SUFU: variants seen among roughly 807,000 people sequenced by gnomAD.
The protein encoded by SUFU is SUFU negative regulator of hedgehog signaling.
A neutral mutation model predicts 58.9 loss-of-function variants in SUFU; 7 were observed. That is an observed-to-expected ratio of 0.12 (90% CI 0.07 to 0.22). SUFU has a LOEUF of 0.22. SUFU is among the 10% of genes least tolerant of loss of function. The pLI is 1.00. For missense variants in SUFU, 451 were observed against 641.3 expected, an observed-to-expected ratio of 0.70 and a Z score of 3.20; for synonymous variants, 232 against 254.8, an observed-to-expected ratio of 0.91 and a Z score of 0.85.
intron 2 of SUFU, among the ~76,000 whole-genome samples, chr10:102,523,673 C>A (rs2062575714): frequency 6.6e-6 from 1 of 152,194 alleles, no homozygotes; most frequent in Non-Finnish European, 1.5e-5. Flanking sequence ...GCCAAGCTGC[C>A]AATTTCTCAT....
intron 10 of SUFU, 76 bp from the exon 11 acceptor site, chr10:102,627,099 G>A: frequency 6.8e-7 from 1 of 1,478,050 alleles, no homozygotes; most frequent in Non-Finnish European, 9.4e-7. Context: ...TCAGAAGAGA[G>A]GTATAACGCT....
At chr10:102,538,915 G>C (rs1236997809) in intron 2 of SUFU, among the ~76,000 whole-genome samples, 1 of 152,246 alleles carries the variant, frequency 6.6e-6, no homozygotes, top group Non-Finnish European at 1.5e-5. Context: ...GGCATAGGCA[G>C]CCTGGCTTCA....
At chr10:102,579,554 C>T (rs2063251273) in intron 3 of SUFU, among the ~76,000 whole-genome samples, 1 of 152,188 alleles carries the variant, frequency 6.6e-6, no homozygotes, top group Non-Finnish European at 1.5e-5. Flanking sequence ...GCGGGCGGTT[C>T]TGGAGAAAAT....
intron 2 of SUFU, among the ~76,000 whole-genome samples, chr10:102,529,544 C>T (rs983571220): frequency 4.6e-5 from 7 of 152,168 alleles, no homozygotes; most frequent in South Asian, 2.1e-4. Context: ...GAGGCCTAGG[C>T]GGGTGGATCA....
chr10:102,560,122 A>G (rs2063020881), intron 3 of SUFU, among the ~76,000 whole-genome samples: 1 of 152,160 alleles, frequency 6.6e-6, no homozygotes, highest in African/African-American at 2.4e-5. Flanking sequence ...TCCCCTGTTT[A>G]CAAAAGAAAT....
Position 102,509,302 on chromosome 10 carries a change from G to T in SUFU, c.316G>T (p.Glu106Ter). 1 of 1,614,044 alleles carries T rather than the reference G, an allele frequency of 6.2e-7. No individual in the cohort carries two copies. Among genetic ancestry groups the T allele is most frequent in the Non-Finnish European group, 8.5e-7 (1 of 1,180,032 alleles). The change falls in exon 2 of 12, where the codon GAG (glutamate) becomes TAG (stop). Residue 106 changes from glutamate to a stop codon, truncating the protein, a stop_gained and splice_region_variant. Coordinates refer to ENST00000369902, the MANE Select transcript of SUFU (RefSeq NM_016169.4). LOFTEE classifies it high-confidence loss of function. ...TCTCTATGGTGACAACAGAGTCCAT[G>T]AGTGAGTATATGCCACCTGTTCTTT... The part of the protein sequence containing the change: ...SDLYGDNRVH[E>*]FTGTDGPSGF...
rs1397128278 is a variant in SUFU, at chr10:102,632,665, T to TAG, written c.*2511_*2512dup. ...AGCTCTGAGGGAGCCCCTGACCTTG[T>TAG]AGTGGGTGGAGGAGGTAAGGGGCCT... is the stretch of plus-strand genomic sequence containing the variant. On this transcript the variant is annotated 3_prime_UTR_variant, in exon 12 of 12. Coordinates refer to ENST00000369902, the MANE Select transcript of SUFU (RefSeq NM_016169.4). 4.3e-6 allele frequency: 1 copy of TAG among 233,176 alleles called. No homozygotes were observed. Among genetic ancestry groups the TAG allele is most frequent in the Non-Finnish European group, 8.5e-6 (1 of 118,092 alleles). 14.4% of individuals were successfully genotyped at this position (233,176 alleles called of 1,614,324 possible).
At chr10:102,594,805 G>A (rs2063444939) in intron 6 of SUFU, among the ~76,000 whole-genome samples, 1 of 152,064 alleles carries the variant, frequency 6.6e-6, no homozygotes, top group South Asian at 2.1e-4. Flanking sequence ...TGCAGCCTCC[G>A]CCTCCCAGGG....
intron 2 of SUFU, among the ~76,000 whole-genome samples, chr10:102,517,386 C>T (rs17114624): frequency 0.011 from 1,667 of 152,242 alleles, 19 homozygotes; most frequent in African/African-American, 0.031. Flanking sequence ...GGTAGGTCAG[C>T]GCTGGGAAAG....
intron 9 of SUFU, among the ~76,000 whole-genome samples, chr10:102,616,139 C>T (rs922973531): frequency 6.6e-6 from 1 of 152,100 alleles, no homozygotes; most frequent in African/African-American, 2.4e-5. Flanking sequence ...CCAGCAAACT[C>T]CTTGAGGGAC....
At chr10:102,612,216 C>CGTGT (rs1564705062) in intron 8 of SUFU, among the ~76,000 whole-genome samples, 1 of 109,102 alleles carries the variant, frequency 9.2e-6, no homozygotes. Flanking sequence ...TGTGCACGCG[C>CGTGT]ATGTGTGTGT....
At chr10:102,586,478 C>T (rs1456775388) in intron 3 of SUFU, among the ~76,000 whole-genome samples, 1 of 151,838 alleles carries the variant, frequency 6.6e-6, no homozygotes, top group African/African-American at 2.4e-5. Flanking sequence ...TCGAGACCAT[C>T]CTGGCTAACA....
At chr10:102,578,706 C>CA (rs113374192) in intron 3 of SUFU, among the ~76,000 whole-genome samples, 61,998 of 129,396 alleles carry the variant, frequency 0.48, 14,116 homozygotes, top group East Asian at 0.68. Flanking sequence ...GACTCCGTTT[C>CA]AAAAAAAAAA....
chr10:102,554,912 C>A (rs566870017), intron 3 of SUFU, among the ~76,000 whole-genome samples: 1 of 152,172 alleles, frequency 6.6e-6, no homozygotes. Flanking sequence ...TTAGAATGTG[C>A]CTGGTACGCA....
chr10:102,506,049 A>G (rs1422331184), intron 1 of SUFU, among the ~76,000 whole-genome samples: 4 of 146,760 alleles, frequency 2.7e-5, no homozygotes, highest in African/African-American at 1.1e-4. Context: ...GAAAAAAAAA[A>G]AAAAAAAAAA....
rs1590066015 is a variant in SUFU, at chr10:102,597,226, C to T, written c.843C>T (p.Pro281=). Residue 281 remains proline (P), a synonymous_variant, in exon 7 of 12, where the codon CCC becomes CCT. Transcript: ENST00000369902. ...GTGCCTGGGATGACCTGAGCCGGCC[C>T]CCCGAGGATGACGAGGACAGCCGGA... ...AKCAWDDLSR[P]PEDDEDSRSI... The T allele has an allele frequency of 6.2e-7, 1 of 1,613,882 alleles. No individual in the cohort carries two copies. Among genetic ancestry groups the T allele is most frequent in the Admixed American group, 1.7e-5 (1 of 59,988 alleles).
chr10:102,518,887 C>T (rs867493581), intron 2 of SUFU, among the ~76,000 whole-genome samples: 1 of 151,340 alleles, frequency 6.6e-6, no homozygotes, highest in African/African-American at 2.4e-5. Flanking sequence ...CACTTGTAAT[C>T]CCAGCACTTT....
intron 2 of SUFU, among the ~76,000 whole-genome samples, chr10:102,529,624 C>T (rs2062653500): frequency 6.6e-6 from 1 of 152,086 alleles, no homozygotes. Flanking sequence ...ATGATCATGC[C>T]ACTGCACTCC....
intron 3 of SUFU, among the ~76,000 whole-genome samples, chr10:102,555,788 T>A (rs1224770175): frequency 1.3e-5 from 2 of 152,236 alleles, no homozygotes; most frequent in Admixed American, 1.3e-4. Flanking sequence ...GAGCACCTCC[T>A]TTGTGACTTG....
Sources: allele counts gnomAD v4.1 joint callset (sites outside exome capture counted in the v4.1 genomes callset), GRCh38; gene constraint gnomAD v4.1.1; transcripts MANE v1.5; gene names NCBI Gene and HGNC (gene_info 2026-07-23, HGNC 2026-07-21).